AZIN2: variants seen among roughly 807,000 people sequenced by gnomAD.
AZIN2 encodes the protein antizyme inhibitor 2, also known as ODC antizyme inhibitor-2.
A neutral mutation model predicts 47.8 loss-of-function variants in AZIN2; 28 were observed. That is an observed-to-expected ratio of 0.59 (90% CI 0.43 to 0.80). AZIN2 has a LOEUF of 0.80. Among genes scored for constraint, AZIN2 ranks in the 30% least tolerant of loss-of-function variants. The probability of loss-of-function intolerance (pLI) is 0.00; values close to 1 mark genes in which losing one functional copy is unlikely to be tolerated. For missense variants in AZIN2, 535 were observed against 582.5 expected (o/e 0.92, Z 0.84); for synonymous variants, 221 against 239.4 (o/e 0.92, Z 0.71).
Position 33,102,987 on chromosome 1 carries a change from T to C in AZIN2, c.1029+4808T>C, listed in dbSNP as rs548714404. 3.3e-5 allele frequency among the ~76,000 whole-genome samples: 5 copies of C among 152,324 alleles called. No homozygotes were observed. In the East Asian group the frequency reaches 9.7e-4, roughly 29 times the overall value. ...CCTCTCCTTCCACATGCAGTCCACC[T>C]GCAATTCTTGAGTGTAGTTCCAAAA... On this transcript the variant is annotated intron_variant, in intron 10 of 11. Transcript: ENST00000294517.
At chr1:33,145,091 C>T in the AZIN2 span, among the ~76,000 whole-genome samples, 3 of 152,240 alleles carry the variant, frequency 2.0e-5, no homozygotes, top group Non-Finnish European at 2.9e-5. Flanking sequence ...GCTCTTGCCA[C>T]TGCCCCATGA....
intron 5 of AZIN2, among the ~76,000 whole-genome samples, chr1:33,087,137 T>A (rs905185888): frequency 1.3e-5 from 2 of 150,770 alleles, no homozygotes; most frequent in African/African-American, 4.9e-5. Context: ...ATGTAGTATT[T>A]TTTTTTTTTT....
rs1486328860 is a variant in AZIN2, at chr1:33,122,220, G to A, written c.*2038G>A. Among the ~76,000 whole-genome samples the A allele has an allele frequency of 6.6e-6, 1 of 152,196 alleles. No individual in the cohort carries two copies. Among genetic ancestry groups the A allele is most frequent in the Non-Finnish European group, 1.5e-5 (1 of 68,024 alleles). ...GTGAAAAGCGCAGGAATCCTGGGAA[G>A]ATCTCATGGCTGGCTACAGTGAGAC... is the stretch of plus-strand genomic sequence containing the variant. On this transcript the variant is annotated 3_prime_UTR_variant, in exon 12 of 12. Transcript: ENST00000294517.
the AZIN2 span, among the ~76,000 whole-genome samples, chr1:33,136,453 C>G: frequency 5.3e-5 from 8 of 151,852 alleles, no homozygotes; most frequent in Non-Finnish European, 7.4e-5. Context: ...ACTGCAATCT[C>G]TGCCTCCCAG....
intron 10 of AZIN2, among the ~76,000 whole-genome samples, chr1:33,103,404 A>G (rs1482098185): frequency 2.0e-5 from 3 of 151,862 alleles, no homozygotes; most frequent in Non-Finnish European, 4.4e-5. Flanking sequence ...GGGCCTTTGC[A>G]TTCGCTCGCC....
chr1:33,086,967 C>A (rs555051819), intron 5 of AZIN2, among the ~76,000 whole-genome samples: 65 of 152,252 alleles, frequency 4.3e-4, no homozygotes, highest in African/African-American at 1.4e-3. Flanking sequence ...TACCAACATC[C>A]CCAGTGAGCA....
the AZIN2 span, among the ~76,000 whole-genome samples, chr1:33,154,111 GTGTAGATGAGGGAGAATACAAAACA>G: frequency 2.6e-5 from 4 of 152,248 alleles, no homozygotes; most frequent in African/African-American, 4.8e-5. Context: ...ATGTGCAAAC[GTGTAGATGAGGGAGAATACAAAACA>G]TGTAGATGAG....
chr1:33,082,229 C>T lies in AZIN2; in HGVS notation c.-21C>T, dbSNP rs367740729. ...GCTGCAGCAGCGGCTCCATCCAGCCCGTCAGCTCCTCCTGCAAGGCATGGC... is the reference window on the plus strand; with the variant it reads ...GCTGCAGCAGCGGCTCCATCCAGCCTGTCAGCTCCTCCTGCAAGGCATGGC... On this transcript the variant is annotated 5_prime_UTR_variant, in exon 4 of 12. Transcript: ENST00000294517. 5.6e-6 allele frequency: 9 copies of T among 1,603,660 alleles called. No homozygotes were observed. The highest frequency in any genetic ancestry group is 2.2e-5 in the East Asian group (1 of 44,804).
rs116816142 is a variant in AZIN2, at chr1:33,097,149, C to T, written c.916+280C>T. On this transcript the variant is annotated intron_variant, in intron 9 of 11. Transcript: ENST00000294517. ...GACCCCATTTTACAGATGAGGAAAC[C>T]GAGAACCAAAGAGAATACAAGTGAA... Among the ~76,000 whole-genome samples the T allele has an allele frequency of 4.3e-3, 653 of 152,096 alleles. 1 individual carries two copies. Among genetic ancestry groups the T allele is most frequent in the African/African-American group, 0.014 (588 of 41,472 alleles).
At chr1:33,101,498 T>A (rs922859925) in intron 10 of AZIN2, among the ~76,000 whole-genome samples, 15 of 71,322 alleles carry the variant, frequency 2.1e-4, no homozygotes, top group Non-Finnish European at 3.7e-4. Flanking sequence ...TGCCTGGTAT[T>A]TTTTTTTTTT....
intron 10 of AZIN2, among the ~76,000 whole-genome samples, chr1:33,100,486 C>G (rs1019939001): frequency 2.6e-5 from 4 of 152,018 alleles, no homozygotes; most frequent in Non-Finnish European, 2.9e-5. Context: ...GCAGTACTCT[C>G]AATACTCAAA....
intron 11 of AZIN2, 182 bp from the exon 12 acceptor site, chr1:33,119,862 G>C (rs1644735736): frequency 4.4e-6 from 3 of 675,028 alleles, no homozygotes; most frequent in Non-Finnish European, 7.4e-6. Flanking sequence ...CCCTTGTTGA[G>C]GGGTGGGGAC....
At chr1:33,142,070 T>A in the AZIN2 span, 2 of 152,250 alleles carry the variant, frequency 1.3e-5, no homozygotes, top group African/African-American at 4.8e-5. Context: ...CGTGTCCTGA[T>A]GGGCAGTGAT....
the AZIN2 span, among the ~76,000 whole-genome samples, chr1:33,132,170 C>T: frequency 1.1e-4 from 17 of 152,292 alleles, 1 homozygote; most frequent in South Asian, 1.0e-3. Flanking sequence ...ATGGGAAGAA[C>T]GCACTGTGAG....
chr1:33,091,308 C>A (rs192216527), intron 5 of AZIN2, among the ~76,000 whole-genome samples: 1 of 152,166 alleles, frequency 6.6e-6, no homozygotes, highest in African/African-American at 2.4e-5. Flanking sequence ...GATGTGATCT[C>A]GGCTCACTCC....
the AZIN2 span, chr1:33,147,170 G>T: frequency 6.2e-7 from 1 of 1,612,138 alleles, no homozygotes; most frequent in South Asian, 1.1e-5. The surrounding 1 kb of genome is among the most constrained non-coding windows in gnomAD (Gnocchi z 8.1). Flanking sequence ...GTCTCCTTCT[G>T]CCTGGACTAG....
downstream of AZIN2, among the ~76,000 whole-genome samples, chr1:33,125,253 C>T (rs1433494987): frequency 6.6e-6 from 1 of 152,200 alleles, no homozygotes; most frequent in African/African-American, 2.4e-5. Context: ...CCATTTTAAA[C>T]CCTCTTCCTG....
At chr1:33,125,191 A>G (rs1015408640), downstream of AZIN2, among the ~76,000 whole-genome samples, 10 of 152,172 alleles carry the variant, frequency 6.6e-5, no homozygotes, top group Non-Finnish European at 1.2e-4. Context: ...TTCCAGCTGT[A>G]AAGGGAACAA....
At chr1:33,134,549 C>G in the AZIN2 span, among the ~76,000 whole-genome samples, 9 of 152,146 alleles carry the variant, frequency 5.9e-5, no homozygotes. Flanking sequence ...GAGCTAGGAC[C>G]ACCAGAGACA....
Sources: allele counts gnomAD v4.1 joint callset (sites outside exome capture counted in the v4.1 genomes callset), GRCh38; gene constraint gnomAD v4.1.1; non-coding constraint Gnocchi (gnomAD v3.1); transcripts MANE v1.5; gene names NCBI Gene and HGNC (gene_info 2026-07-23, HGNC 2026-07-21).